Variants in COL2A1 observed in about 807,000 individuals in gnomAD.
COL2A1 encodes collagen alpha-1(II) chain.
COL2A1 carries 28 observed loss-of-function variants against 204.5 expected under a neutral mutation model. That is an observed-to-expected ratio of 0.14 (90% CI 0.10 to 0.19). The LOEUF is 0.19. COL2A1 is among the 10% of genes least tolerant of loss of function. The pLI, the probability that COL2A1 is intolerant of heterozygous loss-of-function variation, is 1.00. For synonymous variants in COL2A1, 708 were observed against 718.7 expected (o/e 0.99, Z 0.24); for missense variants, 1,388 against 2,027.5 (o/e 0.68, Z 6.06).
chr12:47,996,413 A>G, intron 8 of COL2A1, 135 bp downstream of exon 8: 1 of 813,320 alleles, frequency 1.2e-6, no homozygotes, highest in Non-Finnish European at 2.2e-6. Flanking sequence ...GGGCTAGCTG[A>G]ATGGGAGGTT....
At position 47,998,070 on chromosome 12, in the gene COL2A1, A is replaced by G. The variant is rs373798282; in HGVS notation, c.343-6T>C. On this transcript the variant is annotated splice_region_variant and splice_polypyrimidine_tract_variant and intron_variant, in intron 4 of 53. Transcript: ENST00000380518. ...GGTCCTTTGGGTCCTACAATCTGTG[A>G]GAGAGAGCCCCACAGGATGGTAAGT... 2 of 1,614,214 alleles carry G rather than the reference A, an allele frequency of 1.2e-6. No individual in the cohort carries two copies. The highest frequency in any genetic ancestry group is 1.1e-5 in the South Asian group (1 of 91,084).
chr12:47,987,410 G>T lies in COL2A1; in HGVS notation c.1222-97C>A. ...GATCCAGGGACCTGGCATAGGTGCT[G>T]TCCATTTCAGGGACATTCCCACTAT... On this transcript the variant is annotated intron_variant, in intron 19 of 53. Transcript: ENST00000380518. This position sits in a 1 kb window ranked among gnomAD's most constrained non-coding sequence, Gnocchi z 4.1. The T allele has an allele frequency of 7.5e-7, 1 of 1,324,602 alleles. No homozygotes were observed. The highest frequency in any genetic ancestry group is 1.2e-5 in the South Asian group (1 of 82,834). 82.1% of individuals were successfully genotyped at this position (1,324,602 alleles called of 1,614,324 possible). A position where few individuals can be genotyped will look rare whatever the true frequency, so the allele number is the denominator to read the frequency against.
chr12:47,980,507 G>A lies in COL2A1; in HGVS notation c.2625+47C>T. The A allele has an allele frequency of 3.3e-6, 5 of 1,514,424 alleles. No individual in the cohort carries two copies. Among genetic ancestry groups the A allele is most frequent in the Non-Finnish European group, 4.5e-6 (5 of 1,109,246 alleles). 93.8% of individuals were successfully genotyped at this position (1,514,424 alleles called of 1,614,324 possible). A position where few individuals can be genotyped will look rare whatever the true frequency, so the allele number is the denominator to read the frequency against. ...CTGGGGCCTTCCCATCTGCACGCCAGGAGCCCTTCCTTGAGGGAACAATTC... is the reference window on the plus strand; with the variant it reads ...CTGGGGCCTTCCCATCTGCACGCCAAGAGCCCTTCCTTGAGGGAACAATTC... On this transcript the variant is annotated intron_variant, in intron 39 of 53. Coordinates refer to ENST00000380518, the MANE Select transcript of COL2A1 (RefSeq NM_001844.5). This position sits in a 1 kb window ranked among gnomAD's most constrained non-coding sequence, Gnocchi z 4.5.
At chr12:47,999,788 T>TA (rs1384488699) in intron 2 of COL2A1, 131 bp downstream of exon 2, 1 of 771,450 alleles carries the variant, frequency 1.3e-6, no homozygotes, top group East Asian at 2.7e-5. Flanking sequence ...CTTTCCTTTC[T>TA]ACCCCAGCTA....
At chr12:47,994,403 G>T (rs767044598) in intron 12 of COL2A1, 21 bp downstream of exon 12, 12 of 1,613,966 alleles carry the variant, frequency 7.4e-6, no homozygotes, top group Middle Eastern at 1.7e-4. Context: ...GATGCCTGAG[G>T]CTGGGAACGG....
intron 2 of COL2A1, among the ~76,000 whole-genome samples, chr12:47,999,322 C>T (rs1159776414): frequency 6.6e-6 from 1 of 152,230 alleles, no homozygotes; most frequent in African/African-American, 2.4e-5. Flanking sequence ...CCCGTCCCCA[C>T]GAGAACTCCC....
At chr12:47,982,722 T>C (rs1939165352) in intron 33 of COL2A1, 113 bp from the exon 34 acceptor site, 3 of 1,230,088 alleles carry the variant, frequency 2.4e-6, no homozygotes, top group South Asian at 1.2e-5. Flanking sequence ...CTTCCTCCCA[T>C]GTAGACCTCC....
chr12:47,979,620 T>C, intron 40 of COL2A1, 56 bp from the exon 41 acceptor site: 1 of 558,322 alleles, frequency 1.8e-6, no homozygotes, highest in Non-Finnish European at 3.4e-6. Context: ...GGTTTGAGAT[T>C]AAAATGGGCG....
Position 47,978,536 on chromosome 12 carries a change from T to C in COL2A1, c.2895+61A>G. 1 of 1,607,302 alleles carries C rather than the reference T, an allele frequency of 6.2e-7. No homozygotes were observed. The highest frequency in any genetic ancestry group is 1.7e-5 in the Admixed American group (1 of 59,566). ...CCCTCCTACCCCATGCTCTGTGAGC[T>C]CAGAAGCCACTCACGACCCTGCTCC... On this transcript the variant is annotated intron_variant, in intron 42 of 53. Transcript: ENST00000380518. This position sits in a 1 kb window ranked among gnomAD's most constrained non-coding sequence, Gnocchi z 5.5.
Position 47,980,050 on chromosome 12 carries a change from C to T in COL2A1, c.2638G>A (p.Val880Met), listed in dbSNP as rs886043832. Reference sequence around the variant, plus strand: ...CCTCGGGCTCCTTTAGGACCAGTCACTCCAGTAGGACCCTGGAAAGGAAAG... The same window carrying T: ...CCTCGGGCTCCTTTAGGACCAGTCATTCCAGTAGGACCCTGGAAAGGAAAG... The part of the protein sequence containing the change: ...GAPGPQGPTG[V>M]TGPKGARGAQ... The change falls in exon 40 of 54, where the codon GTG becomes ATG. Residue 880 changes from valine to methionine, a missense_variant. Val to Met is a conservative substitution (Grantham distance 21). Coordinates refer to ENST00000380518, the MANE Select transcript of COL2A1 (RefSeq NM_001844.5). The surrounding 1 kb of genome is among the most constrained non-coding windows in gnomAD (Gnocchi z 4.5). 1.0e-5 allele frequency: 16 copies of T among 1,554,698 alleles called. No individual in the cohort carries two copies. In the South Asian group the frequency reaches 1.7e-4, roughly 16 times the overall value.
intron 44 of COL2A1, 123 bp from the exon 45 acceptor site, chr12:47,977,776 G>GC: frequency 1.7e-6 from 2 of 1,177,978 alleles, no homozygotes; most frequent in Non-Finnish European, 2.5e-6. Context: ...ACACTTTGAA[G>GC]CCAAAGTTTC....
At chr12:47,997,515 C>T in intron 7 of COL2A1, 91 bp downstream of exon 7, 3 of 1,612,232 alleles carry the variant, frequency 1.9e-6, no homozygotes, top group Non-Finnish European at 2.5e-6. Flanking sequence ...TGCTGGCAGC[C>T]CTGGGAGCCA....
Position 47,980,028 on chromosome 12 carries a change from C to T in COL2A1, c.2660G>A (p.Arg887Gln), listed in dbSNP as rs2136534972. 1.9e-6 allele frequency: 3 copies of T among 1,555,360 alleles called. No homozygotes were observed. Among genetic ancestry groups the T allele is most frequent in the South Asian group, 1.2e-5 (1 of 84,252 alleles). Residue 887 changes from arginine (R) to glutamine (Q), a missense_variant, in exon 40 of 54, where the codon CGA (arginine) becomes CAA (glutamine). Transcript: ENST00000380518. This position sits in a 1 kb window ranked among gnomAD's most constrained non-coding sequence, Gnocchi z 4.5. The stretch of plus-strand genomic sequence containing the variant: ...ACTCACCGGGGGGCCTTGGGCACCT[C>T]GGGCTCCTTTAGGACCAGTCACTCC... ...PTGVTGPKGA[R>Q]GAQGPPGATG... is the part of the protein sequence containing the mutation.
At chr12:47,999,634 A>ATATTT in intron 2 of COL2A1, 1 of 152,618 alleles carries the variant, frequency 6.6e-6, no homozygotes, top group Non-Finnish European at 1.2e-5. Flanking sequence ...TTCAGAGAGG[A>ATATTT]TTTTTTTTTT....
chr12:47,977,531 C>A (rs1938790587), intron 45 of COL2A1, 69 bp downstream of exon 45: 1 of 1,604,462 alleles, frequency 6.2e-7, no homozygotes, highest in Non-Finnish European at 8.5e-7. Context: ...CTGCCACCCC[C>A]AGCTGACCTG....
chr12:48,000,552 C>T (rs1940186577), intron 1 of COL2A1, among the ~76,000 whole-genome samples: 1 of 152,100 alleles, frequency 6.6e-6, no homozygotes, highest in Non-Finnish European at 1.5e-5. Flanking sequence ...ATGGCGAGAC[C>T]TCCCTTCCAC....
chr12:48,004,445 G>T lies in COL2A1; in HGVS notation c.-124C>A. The T allele has an allele frequency of 1.7e-6, 1 of 594,452 alleles. No homozygotes were observed. Among genetic ancestry groups the T allele is most frequent in the Admixed American group, 3.0e-5 (1 of 33,754 alleles). 36.8% of individuals were successfully genotyped at this position (594,452 alleles called of 1,614,324 possible). A position where few individuals can be genotyped will look rare whatever the true frequency, so the allele number is the denominator to read the frequency against. On this transcript the variant is annotated 5_prime_UTR_variant, in exon 1 of 54. Transcript: ENST00000380518. Reference sequence around the variant, plus strand: ...GAGGCCCTTGGAGCAGGAGGGGGAAGCGGGAGACCCGGCAGCCCAGCAGCG... The same window carrying T: ...GAGGCCCTTGGAGCAGGAGGGGGAATCGGGAGACCCGGCAGCCCAGCAGCG...
Position 48,004,415 on chromosome 12 carries a change from T to A in COL2A1, c.-94A>T. On this transcript the variant is annotated 5_prime_UTR_variant, in exon 1 of 54. An upstream start codon of the reference 5' UTR is lost. Coordinates refer to ENST00000380518, the MANE Select transcript of COL2A1 (RefSeq NM_001844.5). ...GGTCCGGGTCTCTACCGCGCCCTCA[T>A]GCAGGAGGCCCTTGGAGCAGGAGGG... 1 of 694,250 alleles carries A rather than the reference T, an allele frequency of 1.4e-6. No individual in the cohort carries two copies. The highest frequency in any genetic ancestry group is 2.5e-6 in the Non-Finnish European group (1 of 398,200). The allele number at this position is 694,250 out of a possible 1,614,324, so 43.0% of individuals were successfully genotyped here. A position where few individuals can be genotyped will look rare whatever the true frequency, so the allele number is the denominator to read the frequency against.
rs1343154793 is a variant in COL2A1, at chr12:47,987,381, T to G, written c.1222-68A>C. The G allele has an allele frequency of 1.3e-5, 20 of 1,542,824 alleles. No homozygotes were observed. The highest frequency in any genetic ancestry group is 1.7e-4 in the Middle Eastern group (1 of 5,946). On this transcript the variant is annotated intron_variant, in intron 19 of 53. Transcript: ENST00000380518. This position sits in a 1 kb window ranked among gnomAD's most constrained non-coding sequence, Gnocchi z 4.1. Reference sequence around the variant, plus strand: ...CCCAACCACCTCCAGCCCTCCAGGATCCAGATCCAGGGACCTGGCATAGGT... The same window carrying G: ...CCCAACCACCTCCAGCCCTCCAGGAGCCAGATCCAGGGACCTGGCATAGGT...
Sources: allele counts gnomAD v4.1 joint callset (sites outside exome capture counted in the v4.1 genomes callset), GRCh38; gene constraint gnomAD v4.1.1; non-coding constraint Gnocchi (gnomAD v3.1); transcripts MANE v1.5; gene names NCBI Gene and HGNC (gene_info 2026-07-23, HGNC 2026-07-21).